USP7: variants seen among roughly 807,000 people sequenced by gnomAD.
The protein encoded by USP7 is ubiquitin specific peptidase 7.
Under a neutral mutation model 162.9 loss-of-function variants are expected in USP7, and 9 were observed. That is an observed-to-expected ratio of 0.06 (90% CI 0.03 to 0.10). The LOEUF (loss-of-function observed/expected upper bound fraction) is 0.10, where lower values mean the gene tolerates loss of function less well. Among genes scored for constraint, USP7 ranks in the 10% least tolerant of loss-of-function variants. The probability of loss-of-function intolerance (pLI) is 1.00; values close to 1 mark genes in which losing one functional copy is unlikely to be tolerated. For synonymous variants in USP7, 562 were observed against 475.9 expected (o/e 1.18, Z -2.35); for missense variants, 715 against 1,373.7 (o/e 0.52, Z 7.58).
intron 26 of USP7, 81 bp from the exon 27 acceptor site, chr16:8,895,822 T>A: frequency 2.1e-6 from 2 of 961,650 alleles, no homozygotes; most frequent in Non-Finnish European, 1.5e-6. Flanking sequence ...TAGAAAGAAA[T>A]AAAGTTACCA....
At chr16:8,949,141 G>C (rs1899434950) in intron 1 of USP7, among the ~76,000 whole-genome samples, 1 of 152,138 alleles carries the variant, frequency 6.6e-6, no homozygotes, top group Non-Finnish European at 1.5e-5. Flanking sequence ...ACTTTAAATG[G>C]GTGAATTGTG....
intron 1 of USP7, among the ~76,000 whole-genome samples, chr16:8,961,986 C>A (rs530261743): frequency 1.3e-3 from 197 of 152,274 alleles, no homozygotes; most frequent in African/African-American, 4.6e-3. Context: ...TCATTTGCAA[C>A]CTGGCCAGCC....
chr16:8,939,124 T>A (rs556668920), intron 1 of USP7, among the ~76,000 whole-genome samples: 1 of 152,214 alleles, frequency 6.6e-6, no homozygotes, highest in East Asian at 1.9e-4. Flanking sequence ...CACATTTACA[T>A]GTACTTACGT....
chr16:8,918,449 G>A (rs1283678219), intron 6 of USP7, among the ~76,000 whole-genome samples: 2 of 152,198 alleles, frequency 1.3e-5, no homozygotes, highest in African/African-American at 4.8e-5. Context: ...AAATGTTGCT[G>A]TTAATGGATT....
chr16:8,929,421 GAACTCTC>G (rs1431761226), intron 2 of USP7: 2 of 453,686 alleles, frequency 4.4e-6, no homozygotes, highest in Non-Finnish European at 8.9e-6. Flanking sequence ...CACTGTGAGA[GAACTCTC>G]AACTACGGCT....
intron 15 of USP7, 149 bp downstream of exon 15, chr16:8,904,286 G>C (rs1596358923): frequency 1.4e-6 from 2 of 1,393,698 alleles, no homozygotes; most frequent in East Asian, 4.7e-5. Context: ...AGAGGAGTGG[G>C]GACTGACCTG....
chr16:8,942,737 C>A (rs888512234), intron 1 of USP7, among the ~76,000 whole-genome samples: 1 of 152,122 alleles, frequency 6.6e-6, no homozygotes, highest in African/African-American at 2.4e-5. Flanking sequence ...TTTGTAGAGA[C>A]TGGGTCTCAC....
At chr16:8,900,910 A>G in intron 20 of USP7, 80 bp downstream of exon 20, 4 of 1,440,500 alleles carry the variant, frequency 2.8e-6, no homozygotes, top group Non-Finnish European at 3.8e-6. Context: ...ACTGTAACAA[A>G]TTCGGGGTAA....
intron 6 of USP7, among the ~76,000 whole-genome samples, chr16:8,917,918 T>C (rs548730623): frequency 2.4e-4 from 37 of 152,236 alleles, no homozygotes; most frequent in Middle Eastern, 3.4e-3. Flanking sequence ...GCCTCCCCAG[T>C]AGCTGGGACT....
chr16:8,959,152 G>GCATGAATGA (rs1412235966), intron 1 of USP7, among the ~76,000 whole-genome samples: 2 of 152,246 alleles, frequency 1.3e-5, no homozygotes, highest in East Asian at 3.9e-4. Flanking sequence ...ACCTTGACGG[G>GCATGAATGA]CATGAATGAC....
At chr16:8,922,465 C>A (rs939688388) in intron 3 of USP7, among the ~76,000 whole-genome samples, 1 of 152,138 alleles carries the variant, frequency 6.6e-6, no homozygotes, top group South Asian at 2.1e-4. Flanking sequence ...TCCAGCCTGG[C>A]GACAGAGTGA....
chr16:8,909,331 GAACTGGGGACCATGACAAGGCAC>G (rs2061907409), intron 11 of USP7, among the ~76,000 whole-genome samples: 1 of 152,140 alleles, frequency 6.6e-6, no homozygotes, highest in African/African-American at 2.4e-5. Flanking sequence ...AGACCTGGAG[GAACTGGGGACCATGACAAGGCAC>G]ACCCATATGC....
intron 1 of USP7, among the ~76,000 whole-genome samples, chr16:8,953,600 G>A (rs560643582): frequency 5.6e-4 from 39 of 70,152 alleles, no homozygotes; most frequent in African/African-American, 1.9e-3. Context: ...CGGCGCCACC[G>A]GAAGCAGAGG....
At chr16:8,917,722 A>G (rs1304395569) in intron 6 of USP7, among the ~76,000 whole-genome samples, 2 of 152,056 alleles carry the variant, frequency 1.3e-5, no homozygotes, top group African/African-American at 2.4e-5. Context: ...GAAAAAGTAA[A>G]CAAAAAACAA....
intron 10 of USP7, among the ~76,000 whole-genome samples, chr16:8,912,503 A>C (rs2061963577): frequency 6.6e-6 from 1 of 152,146 alleles, no homozygotes; most frequent in African/African-American, 2.4e-5. Flanking sequence ...CATGCAAAGA[A>C]GCTGAAACCA....
At chr16:8,897,747 A>ATATATATATATAT (rs1491214554) in intron 25 of USP7, among the ~76,000 whole-genome samples, 1 of 117,952 alleles carries the variant, frequency 8.5e-6, no homozygotes, top group African/African-American at 3.3e-5. Context: ...ATATATATAT[A>ATATATATATATAT]AATGAGTTGG....
rs560864905 is a variant in USP7 at position 8,936,020 on chromosome 16, A to G, written c.80-5623T>C. Among the ~76,000 whole-genome samples, 155 of 152,302 alleles carry G rather than the reference A, an allele frequency of 1.0e-3. 1 individual carries two copies. Among genetic ancestry groups the G allele is most frequent in the African/African-American group, 3.4e-3 (142 of 41,542 alleles). ...TTTCATATTTTCTGCCACTTCACGAAGATTTATCAATCCTCCCCCAAAAAG... is the reference window on the plus strand; with the variant it reads ...TTTCATATTTTCTGCCACTTCACGAGGATTTATCAATCCTCCCCCAAAAAG... On this transcript the variant is annotated intron_variant, in intron 1 of 30. Coordinates refer to ENST00000344836, the MANE Select transcript of USP7 (RefSeq NM_003470.3).
chr16:8,908,498 C>G (rs1260394987), intron 11 of USP7, 48 bp from the exon 12 acceptor site: 1 of 1,517,950 alleles, frequency 6.6e-7, no homozygotes, highest in African/African-American at 1.4e-5. Context: ...CTACTTACTC[C>G]TGGAAGCAAT....
At chr16:8,926,306 C>T (rs1043917729) in intron 2 of USP7, among the ~76,000 whole-genome samples, 5 of 151,958 alleles carry the variant, frequency 3.3e-5, no homozygotes, top group African/African-American at 7.3e-5. Context: ...GGTGAAACCC[C>T]GTCTCTACTA....
Sources: gnomAD v4.1 joint callset for allele counts (sites outside exome capture counted in the v4.1 genomes callset) on GRCh38, gnomAD v4.1.1 for gene constraint, MANE v1.5 for transcripts, NCBI Gene and HGNC (gene_info 2026-07-23, HGNC 2026-07-21) for gene names.